Variants in CHD1L observed in about 807,000 individuals in gnomAD.
CHD1L encodes the protein ATP-dependent chromatin remodeler CHD1L.
In CHD1L, 118 loss-of-function variants were observed where a neutral mutation model predicts 115.9. The observed-to-expected ratio is 1.02, with a 90% confidence interval of 0.88 to 1.19. The LOEUF (loss-of-function observed/expected upper bound fraction) is 1.19. Among genes scored for constraint, CHD1L ranks in the 50% most tolerant of loss-of-function variants. The pLI, the probability that CHD1L is intolerant of heterozygous loss-of-function variation, is 0.00. For missense variants in CHD1L, 1,179 were observed against 1,065.3 expected (o/e 1.11, Z -1.49); for synonymous variants, 411 against 387.1 (o/e 1.06, Z -0.72).
At chr1:147,278,317 C>T (rs1208824641) in intron 14 of CHD1L, among the ~76,000 whole-genome samples, 2 of 147,118 alleles carry the variant, frequency 1.4e-5, no homozygotes, top group Non-Finnish European at 3.0e-5. Context: ...CTCTGCCTCC[C>T]GGGTTCAAGC....
chr1:147,209,170 A>G, the CHD1L span: 2 of 746,328 alleles, frequency 2.7e-6, no homozygotes, highest in Non-Finnish European at 2.1e-6. Flanking sequence ...CTGTAATCCC[A>G]GCACTTTGGG....
chr1:147,197,452 T>G, the CHD1L span, among the ~76,000 whole-genome samples: 1 of 152,092 alleles, frequency 6.6e-6, no homozygotes, highest in Admixed American at 6.5e-5. Context: ...AAATCTTATC[T>G]TGAATTTTGG....
At chr1:147,230,608 G>A in the CHD1L span, among the ~76,000 whole-genome samples, 2 of 112,774 alleles carry the variant, frequency 1.8e-5, no homozygotes, top group East Asian at 8.1e-4. Context: ...TTGTACCTCT[G>A]GTAGAATTCG....
At chr1:147,285,992 C>T (rs1314600859) in intron 17 of CHD1L, among the ~76,000 whole-genome samples, 3 of 152,092 alleles carry the variant, frequency 2.0e-5, no homozygotes, top group Non-Finnish European at 2.9e-5. Flanking sequence ...CTACCATGCC[C>T]GGCCAAAACC....
chr1:147,289,657 G>A (rs1320006506), intron 19 of CHD1L, among the ~76,000 whole-genome samples: 1 of 152,170 alleles, frequency 6.6e-6, no homozygotes, highest in African/African-American at 2.4e-5. Context: ...TCCTGGGCCT[G>A]GAAAGGTGGG....
chr1:147,213,493 C>T, the CHD1L span: 1 of 1,572,866 alleles, frequency 6.4e-7, no homozygotes, highest in Non-Finnish European at 8.6e-7. Context: ...GTGATAACCA[C>T]AGGGGACATC....
chr1:147,222,787 G>C, the CHD1L span, among the ~76,000 whole-genome samples: 1 of 152,222 alleles, frequency 6.6e-6, no homozygotes, highest in Non-Finnish European at 1.5e-5. Flanking sequence ...CAGAGAATAA[G>C]TTTAAACCAC....
At chr1:147,256,377 C>G (rs1205341297) in intron 4 of CHD1L, among the ~76,000 whole-genome samples, 154 bp from the exon 5 acceptor site, 1 of 152,104 alleles carries the variant, frequency 6.6e-6, no homozygotes, top group Non-Finnish European at 1.5e-5. Flanking sequence ...TAAGATGGCG[C>G]TACTTAGAAA....
At chr1:147,266,234 G>C in intron 8 of CHD1L, 147 bp downstream of exon 8, 2 of 709,510 alleles carry the variant, frequency 2.8e-6, no homozygotes, top group Non-Finnish European at 4.3e-6. Flanking sequence ...GCTACAGTGG[G>C]ACTGTGGCAG....
rs1673798717 is a variant in CHD1L at position 147,266,056 on chromosome 1, ATAC to A, written c.868_870del (p.Tyr290del). 1 of 1,613,516 alleles carries A rather than the reference ATAC, an allele frequency of 6.2e-7. No individual in the cohort carries two copies. Among genetic ancestry groups the A allele is most frequent in the Non-Finnish European group, 8.5e-7 (1 of 1,179,692 alleles). On this transcript the variant is annotated inframe_deletion, in exon 8 of 23. Coordinates refer to ENST00000369258, the MANE Select transcript of CHD1L (RefSeq NM_004284.6). ...ATGGCATGTCAGCATTGCAGAAGAAATACTACAAGGCCATTTTGATGAAAGACC... is the reference window on the plus strand; with the variant it reads ...ATGGCATGTCAGCATTGCAGAAGAAATACAAGGCCATTTTGATGAAAGACC...
upstream of CHD1L, among the ~76,000 whole-genome samples, chr1:147,240,016 C>T (rs782252535): frequency 7.9e-5 from 12 of 152,046 alleles, no homozygotes; most frequent in Non-Finnish European, 1.5e-4. Context: ...GAGAAAACAC[C>T]CAAGCAGGAA....
chr1:147,229,297 T>C, the CHD1L span, among the ~76,000 whole-genome samples: 3 of 152,194 alleles, frequency 2.0e-5, no homozygotes. Flanking sequence ...TTTGTGAGGT[T>C]TGTCAAAGAT....
At chr1:147,208,651 A>G in the CHD1L span, 1 of 459,760 alleles carries the variant, frequency 2.2e-6, no homozygotes, top group South Asian at 2.2e-5. Context: ...GTTGGCCAGG[A>G]TGGTCTCAAA....
At position 147,254,864 on chromosome 1, in the gene CHD1L, T is replaced by C; in HGVS notation, c.241-6T>C. ...TCAAAACTGCCTTTCTTTTTCTGTG[T>C]TCCAGACTATTGCTCTCTTCATTTA... is the stretch of plus-strand genomic sequence containing the variant. On this transcript the variant is annotated splice_polypyrimidine_tract_variant and splice_region_variant and intron_variant, in intron 2 of 22. Coordinates refer to ENST00000369258, the MANE Select transcript of CHD1L (RefSeq NM_004284.6). 1 of 1,587,386 alleles carries C rather than the reference T, an allele frequency of 6.3e-7. No individual in the cohort carries two copies. The highest frequency in any genetic ancestry group is 8.6e-7 in the Non-Finnish European group (1 of 1,169,024).
At chr1:147,287,249 C>G (rs1683519762) in intron 18 of CHD1L, among the ~76,000 whole-genome samples, 1 of 152,134 alleles carries the variant, frequency 6.6e-6, no homozygotes, top group Admixed American at 6.5e-5. Context: ...GAATAAGTCA[C>G]TTAACCTTTC....
At chr1:147,264,633 C>A in intron 7 of CHD1L, 49 bp downstream of exon 7, 1 of 1,587,908 alleles carries the variant, frequency 6.3e-7, no homozygotes, top group South Asian at 1.1e-5. Flanking sequence ...GGCACAGAAA[C>A]CATCCTCATG....
intron 18 of CHD1L, among the ~76,000 whole-genome samples, chr1:147,286,762 G>T (rs1479863079): frequency 6.6e-6 from 1 of 152,158 alleles, no homozygotes; most frequent in Non-Finnish European, 1.5e-5. Flanking sequence ...TCTGCACAAG[G>T]TTTTTAAGAG....
At chr1:147,197,809 C>T in the CHD1L span, among the ~76,000 whole-genome samples, 1 of 152,146 alleles carries the variant, frequency 6.6e-6, no homozygotes, top group Non-Finnish European at 1.5e-5. Context: ...GCTCTGCATT[C>T]CAGAAAGATA....
In CHD1L at chr1:147,292,665, TC is replaced by T. The variant is rs587593679; in HGVS notation, c.2392-942del. On this transcript the variant is annotated intron_variant, in intron 20 of 22. Coordinates refer to ENST00000369258, the MANE Select transcript of CHD1L (RefSeq NM_004284.6). The stretch of plus-strand genomic sequence containing the variant: ...GCTGGGGGCTTCAGGAAGCTCACAG[TC>T]ATGGTGGAAGGCAAAGGGGAAGCTA... Among the ~76,000 whole-genome samples the T allele has an allele frequency of 6.6e-5, 10 of 152,316 alleles. No homozygotes were observed. In the South Asian group the frequency reaches 2.1e-3, roughly 32 times the overall value.
Sources: allele counts gnomAD v4.1 joint callset (sites outside exome capture counted in the v4.1 genomes callset), GRCh38; gene constraint gnomAD v4.1.1; transcripts MANE v1.5; gene names NCBI Gene and HGNC (gene_info 2026-07-23, HGNC 2026-07-21).